The following ITIH3 variants were observed in gnomAD, a reference collection of about 807,000 sequenced individuals.
ITIH3 encodes the protein inter-alpha-trypsin inhibitor heavy chain H3.
ITIH3 carries 81 observed loss-of-function variants against 96.5 expected under a neutral mutation model. That is an observed-to-expected ratio of 0.84 (90% CI 0.70 to 1.01). The LOEUF is 1.01. Ranked by LOEUF, ITIH3 falls within the 50% of genes least tolerant of loss-of-function variation. The pLI is 0.00. For missense variants in ITIH3, 1,057 were observed against 1,139.3 expected (o/e 0.93, Z 1.04); for synonymous variants, 422 against 445.2 (o/e 0.95, Z 0.66).
intron 6 of ITIH3, chr3:52,798,432 C>A (rs879527022): frequency 2.9e-5 from 5 of 171,762 alleles, no homozygotes; most frequent in African/African-American, 7.2e-5. Context: ...GGGCGAGGCC[C>A]GAGGAGCACA....
At position 52,795,742 on chromosome 3, in the gene ITIH3, G is replaced by C. The variant is rs559173617; in HGVS notation, c.114+119G>C. 5.1e-5 allele frequency: 50 copies of C among 987,118 alleles called. No homozygotes were observed. In the South Asian group the frequency reaches 7.5e-4, roughly 15 times the overall value. The allele number at this position is 987,118 out of a possible 1,614,324, so 61.1% of individuals were successfully genotyped here. On this transcript the variant is annotated intron_variant, in intron 2 of 21. Coordinates refer to ENST00000449956, the MANE Select transcript of ITIH3 (RefSeq NM_002217.4). ...TCCTCACAGCTGGCAAACAGCTTAC[G>C]GCCCTCTGCCCTGGCAGCCTCCAAC...
At chr3:52,805,021 A>C (rs1467636500) in intron 15 of ITIH3, 1 of 453,218 alleles carries the variant, frequency 2.2e-6, no homozygotes, top group Non-Finnish European at 4.1e-6. Flanking sequence ...TTTATACTTC[A>C]TTAGTCCCAT....
rs377575344 is a variant in ITIH3 at position 52,796,734 on chromosome 3, T to C, written c.282-5T>C. The C allele has an allele frequency of 5.0e-5, 80 of 1,610,122 alleles. No individual in the cohort carries two copies. In the African/African-American group the frequency reaches 9.7e-4, roughly 20 times the overall value. The stretch of plus-strand genomic sequence containing the variant: ...CTCCCTACCCCCAACTCTCTTTCCC[T>C]GCAGGACCATCGACGGTGTTACCTA... On this transcript the variant is annotated splice_polypyrimidine_tract_variant and splice_region_variant and intron_variant, in intron 3 of 21. Coordinates refer to ENST00000449956, the MANE Select transcript of ITIH3 (RefSeq NM_002217.4).
At chr3:52,800,100 G>A (rs1419770659) in intron 9 of ITIH3, among the ~76,000 whole-genome samples, 179 bp downstream of exon 9, 3 of 152,152 alleles carry the variant, frequency 2.0e-5, no homozygotes, top group African/African-American at 7.2e-5. Context: ...TGTCTTCTCC[G>A]TGGTCCAGGG....
intron 1 of ITIH3, 146 bp from the exon 2 acceptor site, chr3:52,795,457 G>A (rs1014833538): frequency 1.3e-6 from 1 of 749,572 alleles, no homozygotes; most frequent in Non-Finnish European, 2.2e-6. Flanking sequence ...TGGCTCTGGA[G>A]GGTCCTATGT....
intron 8 of ITIH3, 22 bp from the exon 9 acceptor site, chr3:52,799,731 C>A: frequency 6.3e-7 from 1 of 1,599,260 alleles, no homozygotes; most frequent in East Asian, 2.2e-5. Flanking sequence ...CGGCTTCTCC[C>A]AGCTCTTTGT....
intron 16 of ITIH3, 33 bp downstream of exon 16, chr3:52,805,873 A>C (rs1384809171): frequency 1.2e-6 from 2 of 1,612,176 alleles, no homozygotes; most frequent in African/African-American, 2.7e-5. Context: ...CACTCCTCCC[A>C]CTGCTTAGAG....
At position 52,796,655 on chromosome 3, in the gene ITIH3, C is replaced by A. The variant is rs760314491; in HGVS notation, c.281+8C>A. On this transcript the variant is annotated splice_region_variant and intron_variant, in intron 3 of 21. Coordinates refer to ENST00000449956, the MANE Select transcript of ITIH3 (RefSeq NM_002217.4). ...CATCACCAACTTCACCTTGTGGGTACCACCATGGCTGCTGGCTCTGGGCTC... is the reference window on the plus strand; with the variant it reads ...CATCACCAACTTCACCTTGTGGGTAACACCATGGCTGCTGGCTCTGGGCTC... The A allele has an allele frequency of 6.2e-7, 1 of 1,610,188 alleles. No homozygotes were observed. The highest frequency in any genetic ancestry group is 1.7e-5 in the Admixed American group (1 of 59,782).
chr3:52,796,523 A>T lies in ITIH3; in HGVS notation c.157A>T (p.Lys53Ter). 6.2e-7 allele frequency: 1 copy of T among 1,613,426 alleles called. No individual in the cohort carries two copies. The highest frequency in any genetic ancestry group is 8.5e-7 in the Non-Finnish European group (1 of 1,179,784). ...GGTCTACAGTACCAAAATCAACTCCAAGGTGACCTCCCGTTTTGCTCACAA... is the reference window on the plus strand; with the variant it reads ...GGTCTACAGTACCAAAATCAACTCCTAGGTGACCTCCCGTTTTGCTCACAA... ...IEVYSTKINS[K>*]VTSRFAHNVV... is the part of the protein sequence containing the mutation. Residue 53 changes from lysine (K) to a stop codon, truncating the protein, a stop_gained, in exon 3 of 22, where the codon AAG (lysine) becomes TAG (stop). Coordinates refer to ENST00000449956, the MANE Select transcript of ITIH3 (RefSeq NM_002217.4). LOFTEE classifies it high-confidence loss of function.
chr3:52,800,200 T>G (rs1007056237), intron 9 of ITIH3, among the ~76,000 whole-genome samples: 2 of 152,188 alleles, frequency 1.3e-5, no homozygotes, highest in African/African-American at 2.4e-5. Context: ...TTCTTGGCCC[T>G]GTTTCATATG....
At chr3:52,804,270 C>T (rs1699958322) in intron 14 of ITIH3, 1 of 526,722 alleles carries the variant, frequency 1.9e-6, no homozygotes, top group African/African-American at 1.9e-5. Flanking sequence ...TGGGGCATTT[C>T]AAGGAAAAGG....
chr3:52,795,615 C>T lies in ITIH3; in HGVS notation c.106C>T (p.Pro36Ser), dbSNP rs768902469. The T allele has an allele frequency of 1.9e-6, 3 of 1,612,444 alleles. No individual in the cohort carries two copies. In the East Asian group the frequency reaches 6.7e-5, roughly 36 times the overall value. Reference protein sequence around the residue: ...PFRLLGKRSLPEGVANGIEVY... With the variant: ...PFRLLGKRSLSEGVANGIEVY... ...TTTGTTTTTTCAGAAACGGAGCCTC[C>T]CGGAAGGGGTAAGAACTTTCACCAG... Residue 36 changes from proline (P) to serine (S), a missense_variant, in exon 2 of 22, where the codon CCG (proline) becomes TCG (serine). By Grantham distance (74) the Pro-to-Ser change is moderately conservative (BLOSUM62 -1). Transcript: ENST00000449956.
chr3:52,801,574 G>A (rs756328786), intron 11 of ITIH3, among the ~76,000 whole-genome samples: 3 of 152,216 alleles, frequency 2.0e-5, no homozygotes, highest in Middle Eastern at 6.8e-3. Context: ...AGGGCTATGA[G>A]GGCAGATCTT....
intron 7 of ITIH3, 119 bp from the exon 8 acceptor site, chr3:52,799,252 GA>G (rs1699715486): frequency 8.5e-7 from 1 of 1,171,302 alleles, no homozygotes. Flanking sequence ...GCACCCCCTA[GA>G]GGGTGGGATA....
Position 52,799,444 on chromosome 3 carries a change from G to A in ITIH3, c.862G>A (p.Val288Met), listed in dbSNP as rs1433000554. 1 of 1,612,752 alleles carries A rather than the reference G, an allele frequency of 6.2e-7. No individual in the cohort carries two copies. The highest frequency in any genetic ancestry group is 1.3e-5 in the African/African-American group (1 of 74,934). Residue 288 changes from valine to methionine, a missense_variant, in exon 8 of 22, where the codon GTG becomes ATG. Val to Met is a conservative substitution (Grantham distance 21). Transcript: ENST00000449956. ...LPVVPKNVAF[V>M]IDISGSMAGR... ...AGTGGTGCCTAAGAACGTGGCCTTT[G>A]TGATTGACATCAGCGGCTCCATGGC... is the stretch of plus-strand genomic sequence containing the variant.
At chr3:52,805,668 C>T in intron 15 of ITIH3, 140 bp from the exon 16 acceptor site, 1 of 1,505,088 alleles carries the variant, frequency 6.6e-7, no homozygotes, top group Admixed American at 2.4e-5. Context: ...AAAGCCTAAT[C>T]TTTGTAGTCA....
chr3:52,807,704 C>T lies in ITIH3; in HGVS notation c.2262-43C>T, dbSNP rs369090533. On this transcript the variant is annotated intron_variant, in intron 19 of 21. Transcript: ENST00000449956. ...CCCTTGAGTCAGATGCCCAGTGTCA[C>T]GGCCACTGGGCCCCACAGCCACTTT... The T allele has an allele frequency of 7.9e-5, 124 of 1,570,192 alleles. 1 individual carries two copies. The African/African-American group carries it at 9.6e-4, about 12-fold the overall frequency.
At position 52,802,757 on chromosome 3, in the gene ITIH3, A is replaced by G; in HGVS notation, c.1660A>G (p.Ile554Val). The G allele has an allele frequency of 6.2e-7, 1 of 1,613,994 alleles. No homozygotes were observed. Among genetic ancestry groups the G allele is most frequent in the East Asian group, 2.2e-5 (1 of 44,874 alleles). ...GCGGGACTACATCTTCGGGAATTAC[A>G]TTGAGCGGCTCTGGGCCTACCTCAC... ...QERDYIFGNY[I>V]ERLWAYLTIE... The change falls in exon 13 of 22, where the codon ATT (isoleucine) becomes GTT (valine). Residue 554 changes from isoleucine (I) to valine (V), a missense_variant. Coordinates refer to ENST00000449956, the MANE Select transcript of ITIH3 (RefSeq NM_002217.4).
At chr3:52,808,051 T>C (rs955426536) in intron 20 of ITIH3, 59 bp from the exon 21 acceptor site, 5 of 1,590,294 alleles carry the variant, frequency 3.1e-6, no homozygotes, top group African/African-American at 1.3e-5. Context: ...GAAAGGCCAG[T>C]GGCCACGTTA....
Sources: gnomAD v4.1 joint callset for allele counts (sites outside exome capture counted in the v4.1 genomes callset) on GRCh38, gnomAD v4.1.1 for gene constraint, MANE v1.5 for transcripts, NCBI Gene and HGNC (gene_info 2026-07-23, HGNC 2026-07-21) for gene names.